SLC22A23: variants seen among roughly 807,000 people sequenced by gnomAD.
The protein encoded by SLC22A23 is ion transporter protein.
In SLC22A23, 26 loss-of-function variants were observed where a neutral mutation model predicts 61.0. The ratio of observed to expected loss-of-function variants is 0.43; its 90% CI spans 0.31 to 0.59. The LOEUF (loss-of-function observed/expected upper bound fraction) is 0.59, where lower values mean the gene tolerates loss of function less well. Among genes scored for constraint, SLC22A23 ranks in the 20% least tolerant of loss-of-function variants. The probability of loss-of-function intolerance (pLI) is 0.11; values close to 1 mark genes in which losing one functional copy is unlikely to be tolerated. For missense variants in SLC22A23, 796 were observed against 934.7 expected (o/e 0.85, Z 1.94); for synonymous variants, 430 against 413.9 (o/e 1.04, Z -0.47).
chr6:3,393,565 G>A (rs1008785342), intron 3 of SLC22A23, among the ~76,000 whole-genome samples: 1 of 152,176 alleles, frequency 6.6e-6, no homozygotes, highest in Non-Finnish European at 1.5e-5. Flanking sequence ...CTTTGAAACT[G>A]TTGATTATGC....
chr6:3,423,017 C>T (rs966852705), intron 1 of SLC22A23, among the ~76,000 whole-genome samples: 10 of 151,788 alleles, frequency 6.6e-5, no homozygotes, highest in Non-Finnish European at 1.2e-4. Flanking sequence ...CCGATTCATT[C>T]GAACCCTTAA....
intron 3 of SLC22A23, among the ~76,000 whole-genome samples, chr6:3,346,984 G>A (rs1487672482): frequency 6.6e-6 from 1 of 151,988 alleles, no homozygotes; most frequent in African/African-American, 2.4e-5. Context: ...ATGTATTAAG[G>A]GAATCACCAA....
intron 3 of SLC22A23, among the ~76,000 whole-genome samples, chr6:3,331,513 C>A (rs1410962662): frequency 6.6e-6 from 1 of 152,188 alleles, no homozygotes; most frequent in Non-Finnish European, 1.5e-5. Context: ...TCATCAAAGT[C>A]CACATCATGG....
At chr6:3,340,318 AG>A (rs1218754555) in intron 3 of SLC22A23, among the ~76,000 whole-genome samples, 1 of 152,202 alleles carries the variant, frequency 6.6e-6, no homozygotes, top group Non-Finnish European at 1.5e-5. Context: ...TGATGATATA[AG>A]GTAAAACGCC....
At position 3,330,201 on chromosome 6, in the gene SLC22A23, C is replaced by T. The variant is rs1301997546; in HGVS notation, c.914-6199G>A. Among the ~76,000 whole-genome samples, 1 of 152,242 alleles carries T rather than the reference C, an allele frequency of 6.6e-6. No homozygotes were observed. Among genetic ancestry groups the T allele is most frequent in the Non-Finnish European group, 1.5e-5 (1 of 68,038 alleles). On this transcript the variant is annotated intron_variant, in intron 3 of 9. Transcript: ENST00000406686. This position sits in a 1 kb window ranked among gnomAD's most constrained non-coding sequence, Gnocchi z 4.7. ...CCTCCATCATCCAATAGACTAGAAGCCCATTTCCACCAGCAGCGGGAAAAT... is the reference window on the plus strand; with the variant it reads ...CCTCCATCATCCAATAGACTAGAAGTCCATTTCCACCAGCAGCGGGAAAAT...
chr6:3,433,670 A>G (rs1771015374), intron 1 of SLC22A23, among the ~76,000 whole-genome samples: 1 of 152,160 alleles, frequency 6.6e-6, no homozygotes, highest in Admixed American at 6.5e-5. Flanking sequence ...TCCATCACCA[A>G]TGGAGAGAGA....
intron 1 of SLC22A23, among the ~76,000 whole-genome samples, chr6:3,428,602 T>C (rs1213384345): frequency 6.6e-6 from 1 of 152,202 alleles, no homozygotes; most frequent in African/African-American, 2.4e-5. Flanking sequence ...GACAGTCAAG[T>C]TGATCCATTC....
In SLC22A23 at chr6:3,283,848, G is replaced by A. The variant is rs750812000; in HGVS notation, c.1703+4C>T. 3 of 1,613,434 alleles carry A rather than the reference G, an allele frequency of 1.9e-6. No homozygotes were observed. The highest frequency in any genetic ancestry group is 2.5e-6 in the Non-Finnish European group (3 of 1,179,700). Reference sequence around the variant, plus strand: ...CGTCCCCTGGGGTGTCTCCCATGACGCACCTTATCACCGTCGGGGTGATCT... The same window carrying A: ...CGTCCCCTGGGGTGTCTCCCATGACACACCTTATCACCGTCGGGGTGATCT... On this transcript the variant is annotated splice_donor_region_variant and intron_variant, in intron 9 of 9. Coordinates refer to ENST00000406686, the MANE Select transcript of SLC22A23 (RefSeq NM_015482.2).
At chr6:3,382,107 A>G (rs1253725085) in intron 3 of SLC22A23, among the ~76,000 whole-genome samples, 1 of 152,198 alleles carries the variant, frequency 6.6e-6, no homozygotes, top group Non-Finnish European at 1.5e-5. Flanking sequence ...CTCTCAGTTC[A>G]ACAAAGATAA....
intron 5 of SLC22A23, among the ~76,000 whole-genome samples, chr6:3,296,307 C>T (rs755046487): frequency 2.3e-4 from 35 of 152,308 alleles, no homozygotes; most frequent in Admixed American, 2.6e-4. Context: ...GTTAGAGCAG[C>T]GTGGCAAAGC....
In SLC22A23 at chr6:3,327,693, G is replaced by A. The variant is rs1005924219; in HGVS notation, c.914-3691C>T. On this transcript the variant is annotated intron_variant, in intron 3 of 9. Coordinates refer to ENST00000406686, the MANE Select transcript of SLC22A23 (RefSeq NM_015482.2). This position sits in a 1 kb window ranked among gnomAD's most constrained non-coding sequence, Gnocchi z 4.1. ...AACAGCATATAGTGCTAGAACATAGGTGCTATGTGTTACAATCTCGTGCAT... is the reference window on the plus strand; with the variant it reads ...AACAGCATATAGTGCTAGAACATAGATGCTATGTGTTACAATCTCGTGCAT... 2.0e-5 allele frequency among the ~76,000 whole-genome samples: 3 copies of A among 152,144 alleles called. No homozygotes were observed. Among genetic ancestry groups the A allele is most frequent in the African/African-American group, 7.2e-5 (3 of 41,402 alleles).
At chr6:3,397,406 A>G (rs1339357837) in intron 3 of SLC22A23, among the ~76,000 whole-genome samples, 1 of 152,238 alleles carries the variant, frequency 6.6e-6, no homozygotes, top group Non-Finnish European at 1.5e-5. Flanking sequence ...AGAGGGGCTC[A>G]GGGAAGACGC....
intron 5 of SLC22A23, among the ~76,000 whole-genome samples, chr6:3,294,966 G>C (rs1156231922): frequency 6.6e-6 from 1 of 152,218 alleles, no homozygotes; most frequent in African/African-American, 2.4e-5. Context: ...AGCCAGGCCC[G>C]AGACGCTTAC....
Position 3,297,028 on chromosome 6 carries a change from C to T in SLC22A23, c.1210+1063G>A, listed in dbSNP as rs1013678964. 6.6e-6 allele frequency among the ~76,000 whole-genome samples: 1 copy of T among 152,190 alleles called. No homozygotes were observed. Among genetic ancestry groups the T allele is most frequent in the Non-Finnish European group, 1.5e-5 (1 of 68,018 alleles). On this transcript the variant is annotated intron_variant, in intron 5 of 9. Coordinates refer to ENST00000406686, the MANE Select transcript of SLC22A23 (RefSeq NM_015482.2). This position sits in a 1 kb window ranked among gnomAD's most constrained non-coding sequence, Gnocchi z 4.3. ...CTTCCGCAGCCACTCTGACTGTAGT[C>T]CCTCCCTGCCACCCTCTATCCCACA...
At chr6:3,379,880 T>C (rs2127473301) in intron 3 of SLC22A23, among the ~76,000 whole-genome samples, 1 of 152,340 alleles carries the variant, frequency 6.6e-6, no homozygotes, top group African/African-American at 2.4e-5. Flanking sequence ...ATGATAAATA[T>C]TGTGCACACA....
chr6:3,445,796 T>G (rs1270768901), intron 1 of SLC22A23, among the ~76,000 whole-genome samples: 1 of 151,864 alleles, frequency 6.6e-6, no homozygotes, highest in Non-Finnish European at 1.5e-5. Context: ...TATTAATATA[T>G]ACAAGATGCC....
chr6:3,310,426 A>AGGGAGCACCCTGT lies in SLC22A23; in HGVS notation c.1083-12209_1083-12208insACAGGGTGCTCCC, dbSNP rs763806801. Among the ~76,000 whole-genome samples, 93 of 148,446 alleles carry AGGGAGCACCCTGT rather than the reference A, an allele frequency of 6.3e-4. 2 individuals carry two copies. The highest frequency in any genetic ancestry group is 2.0e-3 in the African/African-American group (80 of 39,390). On this transcript the variant is annotated intron_variant, in intron 4 of 9. Coordinates refer to ENST00000406686, the MANE Select transcript of SLC22A23 (RefSeq NM_015482.2). The stretch of plus-strand genomic sequence containing the variant: ...CTCCCACTCAAGCACCCTGTCTCCC[A>AGGGAGCACCCTGT]CTCGAGCACCCTGTCTCCCAGGGAG...
intron 1 of SLC22A23, among the ~76,000 whole-genome samples, chr6:3,446,167 C>G (rs568520496): frequency 6.6e-6 from 1 of 152,304 alleles, no homozygotes; most frequent in East Asian, 1.9e-4. Context: ...AAGGCCAGCG[C>G]CAGGGAGAAG....
chr6:3,292,427 G>A lies in SLC22A23; in HGVS notation c.1211-2561C>T, dbSNP rs536706437. On this transcript the variant is annotated intron_variant, in intron 5 of 9. Transcript: ENST00000406686. The stretch of plus-strand genomic sequence containing the variant: ...AAATGAATGGGCAACAGGGAGCCCG[G>A]CCAGGTTGTGGGACACTGGCATCTA... 2.0e-5 allele frequency among the ~76,000 whole-genome samples: 3 copies of A among 151,728 alleles called. No homozygotes were observed. The South Asian group carries it at 6.2e-4, about 31-fold the overall frequency.
Sources: allele counts gnomAD v4.1 joint callset (sites outside exome capture counted in the v4.1 genomes callset), GRCh38; gene constraint gnomAD v4.1.1; non-coding constraint Gnocchi (gnomAD v3.1); transcripts MANE v1.5; gene names NCBI Gene and HGNC (gene_info 2026-07-23, HGNC 2026-07-21).